SEMA6D: variants seen among roughly 807,000 people sequenced by gnomAD.
The protein encoded by SEMA6D is semaphorin 6D.
SEMA6D carries 35 observed loss-of-function variants against 106.6 expected under a neutral mutation model. The ratio of observed to expected loss-of-function variants is 0.33; its 90% confidence interval spans 0.25 to 0.44. The LOEUF is 0.44. SEMA6D is among the 20% of genes least tolerant of loss of function. The pLI is 1.00. For missense variants in SEMA6D, 1,185 were observed against 1,345.9 expected, an observed-to-expected ratio of 0.88 and a Z score of 1.87; for synonymous variants, 499 against 487.7, an observed-to-expected ratio of 1.02 and a Z score of -0.31.
chr15:47,368,171 G>C (rs1230873243), intron 1 of SEMA6D, among the ~76,000 whole-genome samples: 1 of 152,208 alleles, frequency 6.6e-6, no homozygotes, highest in Non-Finnish European at 1.5e-5. Flanking sequence ...AATACCAGCA[G>C]CGCTGTGCCA....
chr15:47,593,401 G>A (rs1288105164), intron 3 of SEMA6D, among the ~76,000 whole-genome samples: 19 of 48,354 alleles, frequency 3.9e-4, no homozygotes, highest in African/African-American at 4.9e-4. Flanking sequence ...GCGAAACTCC[G>A]TCTCAAAAAA....
Position 47,403,096 on chromosome 15 carries a change from GCAGTC to G in SEMA6D, c.-238-9294_-238-9290del, listed in dbSNP as rs145546617. Among the ~76,000 whole-genome samples the G allele has an allele frequency of 3.2e-3, 480 of 152,300 alleles. 3 individuals carry two copies. The highest frequency in any genetic ancestry group is 0.011 in the African/African-American group (461 of 41,558). On this transcript the variant is annotated intron_variant, in intron 1 of 19. Coordinates refer to the SEMA6D transcript ENST00000558014. ...TTCAGTCAAGTTGGCGTACTATCTTGCAGTCCACCTGAGGAAGTTTGGATTTAATG... is the reference window on the plus strand; with the variant it reads ...TTCAGTCAAGTTGGCGTACTATCTTGCACCTGAGGAAGTTTGGATTTAATG...
At chr15:47,416,193 C>T (rs1240628180) in intron 2 of SEMA6D, among the ~76,000 whole-genome samples, 1 of 152,140 alleles carries the variant, frequency 6.6e-6, no homozygotes, top group African/African-American at 2.4e-5. Context: ...TATTCTTCCC[C>T]AGTCCCAAGA....
chr15:47,566,418 C>A (rs1162973254), intron 3 of SEMA6D, among the ~76,000 whole-genome samples: 1 of 152,200 alleles, frequency 6.6e-6, no homozygotes, highest in Non-Finnish European at 1.5e-5. Context: ...TTCACTTGAA[C>A]TGAGTGAGCT....
chr15:47,508,422 G>T (rs1382548573), intron 3 of SEMA6D, among the ~76,000 whole-genome samples: 3 of 152,184 alleles, frequency 2.0e-5, no homozygotes, highest in Non-Finnish European at 4.4e-5. Context: ...TGTAGCCAGA[G>T]CCGCACTCCA....
intron 1 of SEMA6D, among the ~76,000 whole-genome samples, chr15:47,397,162 A>T (rs2040237876): frequency 6.6e-6 from 1 of 152,114 alleles, no homozygotes; most frequent in Non-Finnish European, 1.5e-5. Flanking sequence ...TCTGATTTGG[A>T]TACAGTTTAG....
At chr15:47,579,070 C>T (rs1231225245) in intron 3 of SEMA6D, among the ~76,000 whole-genome samples, 2 of 151,966 alleles carry the variant, frequency 1.3e-5, no homozygotes, top group Non-Finnish European at 2.9e-5. Flanking sequence ...CATATGAAGC[C>T]CCTGGGTACT....
intron 1 of SEMA6D, among the ~76,000 whole-genome samples, chr15:47,374,919 C>G (rs140491961): frequency 6.6e-6 from 1 of 152,182 alleles, no homozygotes. Flanking sequence ...TTCTGCAGCT[C>G]TGTTGTAGAC....
chr15:47,206,370 CAG>C (rs1895066116), intron 1 of SEMA6D, among the ~76,000 whole-genome samples: 1 of 152,068 alleles, frequency 6.6e-6, no homozygotes, highest in African/African-American at 2.4e-5. Flanking sequence ...CCCTGGGAGA[CAG>C]AGAAATGAAG....
intron 4 of SEMA6D, among the ~76,000 whole-genome samples, chr15:47,696,068 A>G (rs933306722): frequency 1.3e-5 from 2 of 152,148 alleles, no homozygotes; most frequent in Admixed American, 6.6e-5. Context: ...TTTCCTTAGC[A>G]CAAACAAAGG....
chr15:47,446,578 C>G (rs1032838824), intron 2 of SEMA6D, among the ~76,000 whole-genome samples: 2 of 152,156 alleles, frequency 1.3e-5, no homozygotes, highest in Non-Finnish European at 2.9e-5. Context: ...AGGCCTCAAT[C>G]TGGTGTAAAG....
At chr15:47,411,052 TTGG>T (rs2040777431) in intron 1 of SEMA6D, among the ~76,000 whole-genome samples, 1 of 152,122 alleles carries the variant, frequency 6.6e-6, no homozygotes, top group South Asian at 2.1e-4. Flanking sequence ...GCTTTTCTTC[TTGG>T]TGGTCCTCAT....
At chr15:47,516,246 T>A (rs2044383926) in intron 3 of SEMA6D, among the ~76,000 whole-genome samples, 1 of 152,176 alleles carries the variant, frequency 6.6e-6, no homozygotes. Flanking sequence ...ACTTATCTCA[T>A]TAGTATGCTG....
intron 3 of SEMA6D, among the ~76,000 whole-genome samples, chr15:47,493,584 A>G (rs1016393949): frequency 3.3e-5 from 5 of 152,172 alleles, no homozygotes; most frequent in African/African-American, 1.2e-4. Context: ...TAAAAGTCAT[A>G]CATATGTATG....
chr15:47,248,360 C>A (rs2033316938), intron 1 of SEMA6D, among the ~76,000 whole-genome samples: 1 of 152,102 alleles, frequency 6.6e-6, no homozygotes, highest in Admixed American at 6.5e-5. Flanking sequence ...AGAAAACACT[C>A]AAAAGTAATG....
chr15:47,568,231 G>A (rs550662523), intron 3 of SEMA6D, among the ~76,000 whole-genome samples: 1 of 145,858 alleles, frequency 6.9e-6, no homozygotes, highest in South Asian at 2.2e-4. Context: ...AATTACTTTT[G>A]CACCAATCTA....
At chr15:47,637,763 G>T (rs894488523) in intron 4 of SEMA6D, among the ~76,000 whole-genome samples, 3 of 152,126 alleles carry the variant, frequency 2.0e-5, no homozygotes, top group African/African-American at 7.2e-5. Context: ...TCTGCTAAGG[G>T]TCTCCCACTC....
intron 1 of SEMA6D, among the ~76,000 whole-genome samples, chr15:47,294,088 G>A (rs1027457816): frequency 7.2e-5 from 11 of 151,984 alleles, no homozygotes; most frequent in Admixed American, 2.0e-4. Context: ...AAGAAATGTT[G>A]GAACTGCTTT....
At chr15:47,646,235 A>G (rs2077580555) in intron 4 of SEMA6D, among the ~76,000 whole-genome samples, 1 of 152,130 alleles carries the variant, frequency 6.6e-6, no homozygotes, top group South Asian at 2.1e-4. Flanking sequence ...CCAGTCTTTC[A>G]TTAGCATACA....
Sources: gnomAD v4.1 joint callset for allele counts (sites outside exome capture counted in the v4.1 genomes callset) on GRCh38, gnomAD v4.1.1 for gene constraint, MANE v1.5 for transcripts, NCBI Gene and HGNC (gene_info 2026-07-23, HGNC 2026-07-21) for gene names.